The following ACTG2 variants were observed in gnomAD, a reference collection of about 807,000 sequenced individuals.
The protein encoded by ACTG2 is actin gamma 2, smooth muscle.
ACTG2 carries 16 observed loss-of-function variants against 37.6 expected under a neutral mutation model. That is an observed-to-expected ratio of 0.43 (90% CI 0.29 to 0.65). ACTG2 has a LOEUF of 0.65. Ranked by LOEUF, ACTG2 falls within the 30% of genes least tolerant of loss-of-function variation. ACTG2 has a pLI of 0.18. For synonymous variants in ACTG2, 181 were observed against 179.9 expected, an observed-to-expected ratio of 1.01 and a Z score of -0.05; for missense variants, 238 against 490.9, an observed-to-expected ratio of 0.48 and a Z score of 4.87.
intron 5 of ACTG2, 96 bp from the exon 6 acceptor site, chr2:73,913,389 A>G: frequency 8.7e-7 from 1 of 1,155,914 alleles, no homozygotes; most frequent in Admixed American, 3.0e-5. Context: ...GGTAAAGGAA[A>G]ATATGGTAGT....
At position 73,919,718 on chromosome 2, in the gene ACTG2, A is replaced by G. The variant is rs1430058689; in HGVS notation, c.*143A>G. 6 of 867,174 alleles carry G rather than the reference A, an allele frequency of 6.9e-6. No individual in the cohort carries two copies. In the South Asian group the frequency reaches 8.2e-5, roughly 12 times the overall value. 53.7% of individuals were successfully genotyped at this position (867,174 alleles called of 1,614,324 possible). A position where few individuals can be genotyped will look rare whatever the true frequency, so the allele number is the denominator to read the frequency against. The stretch of plus-strand genomic sequence containing the variant: ...ATACACAGTGCTAAGGACTTTTCAC[A>G]CATTACTTTTAATCCATGCAATAGT... On this transcript the variant is annotated 3_prime_UTR_variant, in exon 9 of 9. Transcript: ENST00000345517.
chr2:73,902,018 C>CGT (rs71245662), intron 2 of ACTG2, among the ~76,000 whole-genome samples: 31,448 of 146,316 alleles, frequency 0.21, 3,538 homozygotes, highest in Middle Eastern at 0.33. Context: ...GCATACAAGT[C>CGT]GTGTGTGTGT....
rs1679911055 is a variant in ACTG2 at position 73,902,391 on chromosome 2, G to A, written c.158G>A (p.Ser53Asn). ...ATGGTGGGAATGGGCCAGAAAGACA[G>A]CTATGTGGGGGATGAGGCTCAGAGC... ...GVMVGMGQKD[S>N]YVGDEAQSKR... Residue 53 changes from serine (S) to asparagine (N), a missense_variant, in exon 3 of 9, where the codon AGC (serine) becomes AAC (asparagine). Transcript: ENST00000345517. The A allele has an allele frequency of 6.8e-6, 11 of 1,613,918 alleles. No individual in the cohort carries two copies. Among genetic ancestry groups the A allele is most frequent in the African/African-American group, 1.3e-5 (1 of 74,860 alleles).
chr2:73,918,388 A>T (rs2104826832), intron 8 of ACTG2, among the ~76,000 whole-genome samples: 1 of 152,336 alleles, frequency 6.6e-6, no homozygotes, highest in African/African-American at 2.4e-5. Context: ...CAGTCCTTGA[A>T]ATAATCTGTT....
chr2:73,899,061 T>C (rs960665161), intron 1 of ACTG2, among the ~76,000 whole-genome samples: 15 of 152,058 alleles, frequency 9.9e-5, no homozygotes, highest in African/African-American at 2.7e-4. Context: ...CCGCCCACCT[T>C]GGCCTCCCAA....
intron 2 of ACTG2, 153 bp downstream of exon 2, chr2:73,901,590 G>C: frequency 2.0e-6 from 1 of 498,832 alleles, no homozygotes; most frequent in South Asian, 4.0e-5. Context: ...GTCTGTGCGT[G>C]TGTGTGTGTG....
At chr2:73,899,049 A>G (rs191281659) in intron 1 of ACTG2, among the ~76,000 whole-genome samples, 45 of 151,934 alleles carry the variant, frequency 3.0e-4, no homozygotes, top group African/African-American at 1.1e-3. Flanking sequence ...TGACGTCGTG[A>G]TCCGCCCACC....
intron 3 of ACTG2, among the ~76,000 whole-genome samples, chr2:73,903,939 CAAAAAAAAA>C (rs61362643): frequency 0.066 from 5,933 of 90,212 alleles, 447 homozygotes; most frequent in African/African-American, 0.23. Flanking sequence ...GACTCCGTCT[CAAAAAAAAA>C]AAAAAAAAAA....
intron 3 of ACTG2, among the ~76,000 whole-genome samples, chr2:73,904,739 TTGTGTGTGTGTGTG>T (rs370499600): frequency 9.6e-6 from 1 of 103,806 alleles, no homozygotes; most frequent in Non-Finnish European, 1.9e-5. Context: ...CTATAAATCA[TTGTGTGTGTGTGTG>T]TGTGTGTGTG....
At chr2:73,910,882 T>A (rs1215769781) in intron 5 of ACTG2, among the ~76,000 whole-genome samples, 1 of 152,098 alleles carries the variant, frequency 6.6e-6, no homozygotes, top group Admixed American at 6.6e-5. Flanking sequence ...TTCATTTATA[T>A]CCTTTATTCT....
Position 73,904,739 on chromosome 2 carries a change from T to TTGTG in ACTG2, c.255+2287_255+2290dup, listed in dbSNP as rs370499600. ...CATTTCATTATATATCTATAAATCA[T>TTGTG]TGTGTGTGTGTGTGTGTGTGTGTGT... is the stretch of plus-strand genomic sequence containing the variant. On this transcript the variant is annotated intron_variant, in intron 3 of 8. Transcript: ENST00000345517. Among the ~76,000 whole-genome samples the TTGTG allele has an allele frequency of 1.7e-3, 174 of 103,768 alleles. 1 individual carries two copies. Among genetic ancestry groups the TTGTG allele is most frequent in the South Asian group, 3.6e-3 (10 of 2,780 alleles). 68.1% of individuals were successfully genotyped at this position (103,768 alleles called of 152,430 possible).
chr2:73,904,777 G>GTATATATATATATATATATATATA (rs199782884), intron 3 of ACTG2, among the ~76,000 whole-genome samples: 1 of 42,608 alleles, frequency 2.3e-5, no homozygotes, highest in Non-Finnish European at 4.7e-5. Context: ...GTGTGTGTGT[G>GTATATATATATATATATATATATA]TATATATATA....
intron 1 of ACTG2, among the ~76,000 whole-genome samples, chr2:73,896,103 G>A (rs1300565014): frequency 1.3e-5 from 2 of 152,190 alleles, no homozygotes; most frequent in South Asian, 2.1e-4. Flanking sequence ...GGATGCCAAG[G>A]CAGTAGGACA....
At chr2:73,918,436 T>C (rs1680315707) in intron 8 of ACTG2, among the ~76,000 whole-genome samples, 1 of 152,220 alleles carries the variant, frequency 6.6e-6, no homozygotes, top group Non-Finnish European at 1.5e-5. Context: ...GCCTGGATAA[T>C]AAAATAACTT....
At chr2:73,905,194 A>G (rs898411588) in intron 3 of ACTG2, among the ~76,000 whole-genome samples, 6 of 152,110 alleles carry the variant, frequency 3.9e-5, no homozygotes, top group African/African-American at 1.4e-4. Context: ...AGCTCATACC[A>G]TTTCACCAAA....
Position 73,901,454 on chromosome 2 carries a change from A to G in ACTG2, c.126+17A>G, listed in dbSNP as rs760349315. ...CGCCACCAGGTGCGTGCTCATCTGG[A>G]TACCACCAGGCTTTGAGCCACTAGG... On this transcript the variant is annotated intron_variant, in intron 2 of 8. Coordinates refer to ENST00000345517, the MANE Select transcript of ACTG2 (RefSeq NM_001615.4). 11 of 1,613,460 alleles carry G rather than the reference A, an allele frequency of 6.8e-6. No homozygotes were observed. In the South Asian group the frequency reaches 1.2e-4, roughly 18 times the overall value.
intron 3 of ACTG2, among the ~76,000 whole-genome samples, chr2:73,904,400 A>C (rs1014073355): frequency 6.6e-6 from 1 of 151,970 alleles, no homozygotes; most frequent in African/African-American, 2.4e-5. Flanking sequence ...GGCCGGGCAC[A>C]GTGGCTCATA....
Position 73,919,719 on chromosome 2 carries a change from C to A in ACTG2, c.*144C>A. The A allele has an allele frequency of 1.2e-6, 1 of 857,268 alleles. No homozygotes were observed. Among genetic ancestry groups the A allele is most frequent in the Non-Finnish European group, 1.7e-6 (1 of 580,084 alleles). The allele number at this position is 857,268 out of a possible 1,614,324, so 53.1% of individuals were successfully genotyped here. On this transcript the variant is annotated 3_prime_UTR_variant, in exon 9 of 9. Transcript: ENST00000345517. The stretch of plus-strand genomic sequence containing the variant: ...TACACAGTGCTAAGGACTTTTCACA[C>A]ATTACTTTTAATCCATGCAATAGTG...
intron 1 of ACTG2, among the ~76,000 whole-genome samples, chr2:73,895,583 A>G (rs17009466): frequency 0.055 from 8,435 of 152,234 alleles, 714 homozygotes; most frequent in African/African-American, 0.18. Flanking sequence ...GTCGCCAACT[A>G]TTGTTTGAAA....
Sources: allele counts gnomAD v4.1 joint callset (sites outside exome capture counted in the v4.1 genomes callset), GRCh38; gene constraint gnomAD v4.1.1; transcripts MANE v1.5; gene names NCBI Gene and HGNC (gene_info 2026-07-23, HGNC 2026-07-21).